Variants in FMN1 observed in about 807,000 individuals in gnomAD.
The protein encoded by FMN1 is formin 1, also known as formin-1.
In FMN1, 110 loss-of-function variants were observed where a neutral mutation model predicts 132.4. The observed-to-expected ratio is 0.83, with a 90% confidence interval of 0.71 to 0.97. The LOEUF is 0.97. Among genes scored for constraint, FMN1 ranks in the 50% least tolerant of loss-of-function variants. The pLI is 0.00. For synonymous variants in FMN1, 722 were observed against 651.7 expected (o/e 1.11, Z -1.64); for missense variants, 1,792 against 1,705.3 (o/e 1.05, Z -0.90).
intron 17 of FMN1, among the ~76,000 whole-genome samples, 180 bp from the exon 18 acceptor site, chr15:32,804,512 GCT>G (rs2057601536): frequency 2.8e-5 from 3 of 106,912 alleles, no homozygotes; most frequent in Non-Finnish European, 6.1e-5. Context: ...TGCTACCACT[GCT>G]TTTTTTTTTT....
chr15:33,045,992 T>C (rs1185302280), intron 6 of FMN1, among the ~76,000 whole-genome samples: 2 of 152,220 alleles, frequency 1.3e-5, no homozygotes, highest in African/African-American at 4.8e-5. Flanking sequence ...ATCTGGCATT[T>C]AATTATGAAA....
rs552869094 is a variant in FMN1 at position 32,854,115 on chromosome 15, TTTTA to T, written c.3928+2896_3928+2899del. Among the ~76,000 whole-genome samples, 542 of 152,334 alleles carry T rather than the reference TTTTA, an allele frequency of 3.6e-3. 3 individuals are homozygous for T. Among genetic ancestry groups the T allele is most frequent in the African/African-American group, 0.013 (520 of 41,578 alleles). On this transcript the variant is annotated intron_variant, in intron 17 of 20. Transcript: ENST00000616417. ...CTTACCTATAAATGAATATTAATCGTTTTATTTATTTAACATATCTAAAATGTTA... is the reference window on the plus strand; with the variant it reads ...CTTACCTATAAATGAATATTAATCGTTTTATTTAACATATCTAAAATGTTA...
chr15:33,030,303 G>A (rs1366181425), intron 6 of FMN1, among the ~76,000 whole-genome samples: 1 of 152,226 alleles, frequency 6.6e-6, no homozygotes, highest in African/African-American at 2.4e-5. Flanking sequence ...TTATCCCAGT[G>A]TTCATTAAAA....
intron 19 of FMN1, among the ~76,000 whole-genome samples, chr15:32,783,733 A>G: frequency 8.5e-6 from 1 of 118,286 alleles, no homozygotes. Context: ...CGACAGAGCG[A>G]GACTCTGTTT....
rs1448996512 is a variant in FMN1 at position 32,772,524 on chromosome 15, A to G, written c.*1786T>C. 1 of 152,262 alleles carries G rather than the reference A, an allele frequency of 6.6e-6. No individual in the cohort carries two copies. Among genetic ancestry groups the G allele is most frequent in the African/African-American group, 2.4e-5 (1 of 41,476 alleles). The allele number at this position is 152,262 out of a possible 1,614,324, so 9.4% of individuals were successfully genotyped here. ...AAAATGAAGAGAAACTATGTAAGAA[A>G]GCAGCATAAAAAGCTTCTTGCTCAC... On this transcript the variant is annotated 3_prime_UTR_variant, in exon 21 of 21. Transcript: ENST00000616417.
At chr15:32,987,429 G>C (rs887816150) in intron 7 of FMN1, among the ~76,000 whole-genome samples, 7 of 152,096 alleles carry the variant, frequency 4.6e-5, no homozygotes, top group African/African-American at 1.4e-4. Flanking sequence ...TAAATATTTA[G>C]ATCACTAGGA....
chr15:32,829,962 G>A (rs1437550965), intron 17 of FMN1, among the ~76,000 whole-genome samples: 1 of 152,112 alleles, frequency 6.6e-6, no homozygotes, highest in Non-Finnish European at 1.5e-5. Flanking sequence ...TTGTCCTTAT[G>A]TAGAGACCTT....
intron 9 of FMN1, among the ~76,000 whole-genome samples, chr15:32,952,647 T>C (rs2061679298): frequency 6.6e-6 from 1 of 152,188 alleles, no homozygotes. Flanking sequence ...ATGTGATAAT[T>C]AGGCGGCCAT....
chr15:32,863,305 C>T (rs1164730115), intron 16 of FMN1, among the ~76,000 whole-genome samples: 14 of 152,088 alleles, frequency 9.2e-5, no homozygotes, highest in African/African-American at 2.7e-4. Context: ...GGCGTGGTGG[C>T]GGGCACCTGT....
intron 16 of FMN1, among the ~76,000 whole-genome samples, chr15:32,858,278 T>C (rs1250733938): frequency 1.3e-5 from 2 of 152,160 alleles, no homozygotes; most frequent in African/African-American, 4.8e-5. Context: ...AGTTCAGAAA[T>C]AGAGAAAATG....
At chr15:32,971,923 C>T (rs964323069) in intron 7 of FMN1, among the ~76,000 whole-genome samples, 2 of 152,160 alleles carry the variant, frequency 1.3e-5, no homozygotes, top group Admixed American at 1.3e-4. Flanking sequence ...TCTGTTGAAG[C>T]TGACATGTAA....
chr15:32,989,555 C>T (rs2033304575), intron 7 of FMN1, among the ~76,000 whole-genome samples: 1 of 152,090 alleles, frequency 6.6e-6, no homozygotes, highest in Non-Finnish European at 1.5e-5. Flanking sequence ...AGCCCCTTCA[C>T]CCGCCCCCCA....
chr15:32,875,057 T>G (rs2059606820), intron 16 of FMN1, among the ~76,000 whole-genome samples: 2 of 152,226 alleles, frequency 1.3e-5, no homozygotes, highest in Admixed American at 1.3e-4. Context: ...ATATTGCCAT[T>G]TATCTCTCAC....
chr15:32,776,868 CA>C lies in FMN1; in HGVS notation c.4181del (p.Val1394GlyfsTer12). The C allele has an allele frequency of 6.3e-7, 1 of 1,596,138 alleles. No individual in the cohort carries two copies. The highest frequency in any genetic ancestry group is 8.6e-7 in the Non-Finnish European group (1 of 1,169,442). On this transcript the variant is annotated frameshift_variant, in exon 20 of 21. Coordinates refer to ENST00000616417, the MANE Select transcript of FMN1 (RefSeq NM_001277313.2). LOFTEE classifies it high-confidence loss of function. ...SVSKLTSEKK[V>X]ETKKINPTAS... ...CAGTGGGATTGATTTTCTTTGTCTC[CA>C]CTTTCTTCTCTGAAGTCAACTTGCT...
intron 5 of FMN1, chr15:33,067,817 A>C (rs1196341475): frequency 6.2e-7 from 1 of 1,614,020 alleles, no homozygotes; most frequent in South Asian, 1.1e-5. Context: ...AGCCACTTCA[A>C]GTCCGGCTTC....
In FMN1 at chr15:33,153,608, C is replaced by T; in HGVS notation, c.1307G>A (p.Gly436Glu). 6.5e-7 allele frequency: 1 copy of T among 1,536,194 alleles called. No homozygotes were observed. Among genetic ancestry groups the T allele is most frequent in the African/African-American group, 1.4e-5 (1 of 73,160 alleles). ...GTGGACAGGGAAGCCCAGTCTTTTC[C>T]CCTCAGGGGCTTCATCTAACTTCTC... ...ESEKLDEAPE[G>E]KRLGFPVHTS... is the part of the protein sequence containing the mutation. The change falls in exon 4 of 21, where the codon GGG (glycine) becomes GAG (glutamate). Residue 436 changes from glycine to glutamate, a missense_variant. This residue lies in a region of FMN1 where 638 missense variants were observed against 645.2 expected (regional missense o/e 0.99). Coordinates refer to ENST00000616417, the MANE Select transcript of FMN1 (RefSeq NM_001277313.2).
intron 12 of FMN1, among the ~76,000 whole-genome samples, chr15:32,906,523 C>T (rs912693952): frequency 1.3e-5 from 2 of 152,174 alleles, no homozygotes; most frequent in Admixed American, 1.3e-4. Flanking sequence ...GACTTACTAT[C>T]TAGTCCTTTA....
chr15:33,192,808 T>C (rs1393937329), intron 2 of FMN1, among the ~76,000 whole-genome samples: 1 of 152,208 alleles, frequency 6.6e-6, no homozygotes, highest in East Asian at 1.9e-4. Context: ...TTACTATAAA[T>C]TCCCCACTTA....
At chr15:33,083,844 C>G (rs2038585043) in intron 5 of FMN1, among the ~76,000 whole-genome samples, 1 of 152,222 alleles carries the variant, frequency 6.6e-6, no homozygotes, top group East Asian at 1.9e-4. Context: ...CATAAAGAAG[C>G]CAGCCAAAAC....
Sources: allele counts gnomAD v4.1 joint callset (sites outside exome capture counted in the v4.1 genomes callset), GRCh38; gene constraint gnomAD v4.1.1; regional missense constraint gnomAD v4.1.1; transcripts MANE v1.5; gene names NCBI Gene and HGNC (gene_info 2026-07-23, HGNC 2026-07-21).